Variants in NYAP2 observed in about 807,000 individuals in gnomAD.
NYAP2 encodes neuronal tyrosine-phosphorylated phosphoinositide-3-kinase adapter 2.
A neutral mutation model predicts 50.4 loss-of-function variants in NYAP2; 23 were observed. The ratio of observed to expected loss-of-function variants is 0.46; its 90% CI spans 0.33 to 0.65. NYAP2 has a LOEUF of 0.65. NYAP2 is among the 30% of genes least tolerant of loss of function. NYAP2 has a pLI of 0.02. For synonymous variants in NYAP2, 394 were observed against 365.2 expected (o/e 1.08, Z -0.90); for missense variants, 885 against 861.0 (o/e 1.03, Z -0.35).
intron 5 of NYAP2, among the ~76,000 whole-genome samples, chr2:225,619,464 CAGT>C (rs1366996874): frequency 6.6e-6 from 1 of 152,184 alleles, no homozygotes; most frequent in Non-Finnish European, 1.5e-5. Context: ...TAAGAATCTT[CAGT>C]ACTCGTTTGT....
At chr2:225,520,710 G>A (rs1033761547) in intron 4 of NYAP2, among the ~76,000 whole-genome samples, 1 of 152,168 alleles carries the variant, frequency 6.6e-6, no homozygotes, top group African/African-American at 2.4e-5. Context: ...GTAGCGTGAT[G>A]CCTCCAGCTT....
At chr2:225,506,059 G>C (rs1369826121) in intron 3 of NYAP2, among the ~76,000 whole-genome samples, 1 of 149,166 alleles carries the variant, frequency 6.7e-6, no homozygotes, top group African/African-American at 2.5e-5. Context: ...CTGAGAGAGA[G>C]AAAAAAAAAA....
chr2:225,549,534 TGAGATGGTTGCTTGTG>T (rs2106208870), intron 4 of NYAP2, among the ~76,000 whole-genome samples: 1 of 152,144 alleles, frequency 6.6e-6, no homozygotes, highest in South Asian at 2.1e-4. Context: ...TGGCTGTGCT[TGAGATGGTTGCTTGTG>T]GAGATGGAAA....
intron 4 of NYAP2, among the ~76,000 whole-genome samples, chr2:225,565,330 C>G (rs1016406523): frequency 6.6e-6 from 1 of 151,726 alleles, no homozygotes; most frequent in African/African-American, 2.4e-5. Flanking sequence ...GTTCCAGTAA[C>G]TACATATTTT....
the NYAP2 span, among the ~76,000 whole-genome samples, chr2:225,694,542 C>T: frequency 2.0e-5 from 3 of 151,570 alleles, no homozygotes; most frequent in Non-Finnish European, 4.4e-5. Context: ...CATTGGAGTT[C>T]GATTTTGAGA....
intron 6 of NYAP2, among the ~76,000 whole-genome samples, chr2:225,650,687 T>C (rs1180760563): frequency 1.3e-5 from 2 of 152,238 alleles, no homozygotes; most frequent in African/African-American, 4.8e-5. Flanking sequence ...TGTCCATTTT[T>C]CTTTCTATGA....
intron 3 of NYAP2, among the ~76,000 whole-genome samples, chr2:225,413,156 G>A (rs924321289): frequency 2.1e-4 from 32 of 152,080 alleles, no homozygotes; most frequent in African/African-American, 7.7e-4. Context: ...CTTTGGAGGG[G>A]GCAGAATACT....
intron 4 of NYAP2, among the ~76,000 whole-genome samples, chr2:225,532,360 C>T (rs1242864948): frequency 6.6e-6 from 1 of 152,152 alleles, no homozygotes; most frequent in Non-Finnish European, 1.5e-5. Context: ...GATTTTATGG[C>T]TCTATAGCTG....
chr2:225,623,036 C>T (rs1394877575), intron 5 of NYAP2, among the ~76,000 whole-genome samples: 1 of 151,918 alleles, frequency 6.6e-6, no homozygotes, highest in Non-Finnish European at 1.5e-5. Context: ...ATGTTCATTC[C>T]AAAAAAATAT....
intron 3 of NYAP2, among the ~76,000 whole-genome samples, chr2:225,443,241 C>T (rs1011996000): frequency 5.3e-5 from 8 of 152,154 alleles, no homozygotes; most frequent in Non-Finnish European, 1.2e-4. Context: ...CAAATTATTA[C>T]TTTTCTAGGA....
chr2:225,545,568 T>G (rs1428265300), intron 4 of NYAP2, among the ~76,000 whole-genome samples: 1 of 152,188 alleles, frequency 6.6e-6, no homozygotes, highest in East Asian at 1.9e-4. Context: ...TAAATGCATC[T>G]GATAGAGTTC....
intron 3 of NYAP2, among the ~76,000 whole-genome samples, chr2:225,474,108 T>C (rs556503055): frequency 3.3e-5 from 5 of 152,344 alleles, no homozygotes; most frequent in African/African-American, 9.6e-5. Context: ...TTGTCAAAGA[T>C]CAGATAGTTG....
At chr2:225,406,564 GA>G (rs904001041) in intron 2 of NYAP2, among the ~76,000 whole-genome samples, 11 of 151,088 alleles carry the variant, frequency 7.3e-5, no homozygotes, top group East Asian at 1.9e-4. Flanking sequence ...ACAAATACTT[GA>G]AAAAAAAGAA....
chr2:225,541,478 G>A (rs1215668309), intron 4 of NYAP2, among the ~76,000 whole-genome samples: 2 of 152,146 alleles, frequency 1.3e-5, no homozygotes, highest in Non-Finnish European at 2.9e-5. Flanking sequence ...TATGCCAAGA[G>A]ATAGGGATCT....
At chr2:225,660,603 A>C in the NYAP2 span, among the ~76,000 whole-genome samples, 1 of 152,140 alleles carries the variant, frequency 6.6e-6, no homozygotes, top group Non-Finnish European at 1.5e-5. Flanking sequence ...GGGCCAACTC[A>C]GCCTGTGGAA....
chr2:225,435,800 T>G (rs911275174), intron 3 of NYAP2, among the ~76,000 whole-genome samples: 2 of 152,206 alleles, frequency 1.3e-5, no homozygotes, highest in African/African-American at 4.8e-5. Context: ...TTATTAAACA[T>G]ATATTTACTA....
intron 4 of NYAP2, among the ~76,000 whole-genome samples, chr2:225,563,639 C>T (rs1017687627): frequency 6.6e-6 from 1 of 151,838 alleles, no homozygotes; most frequent in Non-Finnish European, 1.5e-5. Context: ...ATAGTGATCA[C>T]AAAGCAGAAC....
intron 4 of NYAP2, among the ~76,000 whole-genome samples, chr2:225,575,218 T>C (rs969659523): frequency 2.0e-5 from 3 of 152,118 alleles, no homozygotes; most frequent in African/African-American, 7.2e-5. Context: ...CAGCCTCCAA[T>C]ATCAATTTCC....
Position 225,582,898 on chromosome 2 carries a change from C to T in NYAP2, c.1481C>T (p.Thr494Ile). The change falls in exon 5 of 7, where the codon ACC (threonine) becomes ATC (isoleucine). Residue 494 changes from threonine to isoleucine, a missense_variant. By Grantham distance (89) the Thr-to-Ile change is moderately conservative. Transcript: ENST00000636099. The surrounding 1 kb of genome is among the most constrained non-coding windows in gnomAD (Gnocchi z 7.0). ...AAGATGGTCAACGCCGCGGTGAACA[C>T]CTACGGGGCAGCCCCGGGTGGCTCC... is the stretch of plus-strand genomic sequence containing the variant. The T allele has an allele frequency of 1.9e-6, 3 of 1,613,490 alleles. No homozygotes were observed. Among genetic ancestry groups the T allele is most frequent in the Non-Finnish European group, 1.7e-6 (2 of 1,179,882 alleles).
Sources: allele counts gnomAD v4.1 joint callset (sites outside exome capture counted in the v4.1 genomes callset), GRCh38; gene constraint gnomAD v4.1.1; non-coding constraint Gnocchi (gnomAD v3.1); transcripts MANE v1.5; gene names NCBI Gene and HGNC (gene_info 2026-07-23, HGNC 2026-07-21).